Variants in RFC5 observed in about 807,000 individuals in gnomAD.
RFC5 encodes the protein A1 36 kDa subunit.
In RFC5, 26 loss-of-function variants were observed where a neutral mutation model predicts 44.3. The ratio of observed to expected loss-of-function variants is 0.59; its 90% CI spans 0.43 to 0.81. RFC5 has a LOEUF of 0.81. RFC5 is among the 40% of genes least tolerant of loss of function. The pLI, the probability that RFC5 is intolerant of heterozygous loss-of-function variation, is 0.00. For synonymous variants in RFC5, 155 were observed against 155.2 expected (o/e 1.00, Z 0.01); for missense variants, 328 against 418.6 (o/e 0.78, Z 1.89).
At chr12:118,034,574 G>GGT, downstream of RFC5, 1 of 528,454 alleles carries the variant, frequency 1.9e-6, no homozygotes, top group Non-Finnish European at 3.3e-6. Context: ...ATACCAAAGC[G>GGT]CTCTCTCTGT....
chr12:118,026,877 C>T lies in RFC5; in HGVS notation c.664-12C>T. On this transcript the variant is annotated splice_polypyrimidine_tract_variant and intron_variant, in intron 7 of 10. Transcript: ENST00000454402. ...CCACTGTGATCTCCCCTTTCCCCCT[C>T]TGTCTACACAGAGCACCAATATGGC... The T allele has an allele frequency of 6.2e-7, 1 of 1,611,908 alleles. No individual in the cohort carries two copies. Among genetic ancestry groups the T allele is most frequent in the Non-Finnish European group, 8.5e-7 (1 of 1,179,090 alleles).
At chr12:118,029,730 TA>T (rs2031189075) in intron 9 of RFC5, 40 bp from the exon 10 acceptor site, 1 of 1,362,924 alleles carries the variant, frequency 7.3e-7, no homozygotes, top group Non-Finnish European at 1.1e-6. Flanking sequence ...TTTTTGACAG[TA>T]GAGAGTGACC....
chr12:118,023,480 T>C (rs1438820714), intron 5 of RFC5, among the ~76,000 whole-genome samples: 1 of 17,186 alleles, frequency 5.8e-5, no homozygotes, highest in East Asian at 1.9e-3. Context: ...AGGAGGAGGG[T>C]AGGGGGAGGT....
the RFC5 span, among the ~76,000 whole-genome samples, chr12:118,040,800 C>A: frequency 6.6e-6 from 1 of 152,282 alleles, no homozygotes; most frequent in East Asian, 1.9e-4. Flanking sequence ...GTAATCCCAG[C>A]ACTTTAGGAA....
chr12:118,031,334 G>T lies in RFC5; in HGVS notation c.*56G>T. On this transcript the variant is annotated 3_prime_UTR_variant, in exon 11 of 11. Transcript: ENST00000454402. ...GCTCAGCAGTGATGGGAGAACAGAG[G>T]ACAGTTCCAGGATAAACTGCTGCCT... 3 of 1,208,470 alleles carry T rather than the reference G, an allele frequency of 2.5e-6. No homozygotes were observed. The highest frequency in any genetic ancestry group is 2.4e-6 in the Non-Finnish European group (2 of 820,712). 74.9% of individuals were successfully genotyped at this position (1,208,470 alleles called of 1,614,324 possible). A position where few individuals can be genotyped will look rare whatever the true frequency, so the allele number is the denominator to read the frequency against.
intron 1 of RFC5, chr12:118,017,909 C>T (rs909676237): frequency 7.4e-6 from 5 of 672,402 alleles, no homozygotes; most frequent in Non-Finnish European, 1.4e-5. Flanking sequence ...GTGGAGTCTT[C>T]CCGCTATCTA....
chr12:118,024,508 C>T (rs2030796548), intron 5 of RFC5, among the ~76,000 whole-genome samples: 1 of 151,966 alleles, frequency 6.6e-6, no homozygotes, highest in African/African-American at 2.4e-5. Context: ...TCACTGCAAC[C>T]TCCACCTCCC....
the RFC5 span, among the ~76,000 whole-genome samples, chr12:118,041,054 A>AAAAC: frequency 6.6e-6 from 1 of 152,336 alleles, no homozygotes; most frequent in Admixed American, 6.5e-5. Context: ...GTCTCAAGAA[A>AAAAC]AAACAAACAA....
intron 5 of RFC5, among the ~76,000 whole-genome samples, chr12:118,023,963 T>C (rs1436585081): frequency 6.6e-6 from 1 of 152,036 alleles, no homozygotes; most frequent in Non-Finnish European, 1.5e-5. Flanking sequence ...ACACCTGTAA[T>C]CCCAGTACTT....
At chr12:118,024,157 T>C (rs952764909) in intron 5 of RFC5, among the ~76,000 whole-genome samples, 9 of 151,902 alleles carry the variant, frequency 5.9e-5, no homozygotes, top group South Asian at 2.1e-4. Context: ...CTGGCTAACA[T>C]GGTGAAACCC....
At chr12:118,017,332 C>G (rs1223473390) in intron 1 of RFC5, among the ~76,000 whole-genome samples, 1 of 152,224 alleles carries the variant, frequency 6.6e-6, no homozygotes, top group Non-Finnish European at 1.5e-5. Context: ...AGCAGACGCC[C>G]TGTTAGATGT....
the RFC5 span, among the ~76,000 whole-genome samples, chr12:118,041,345 A>C: frequency 6.6e-6 from 1 of 152,172 alleles, no homozygotes; most frequent in Admixed American, 6.5e-5. Flanking sequence ...GGCTGTTTAC[A>C]AGCCAGGCAG....
At chr12:118,033,963 G>A (rs1050682741), downstream of RFC5, 6 of 538,618 alleles carry the variant, frequency 1.1e-5, no homozygotes, top group Admixed American at 1.3e-4. Flanking sequence ...AAAATTTAAC[G>A]TAAGGCTCTG....
chr12:118,024,800 G>GA, intron 5 of RFC5, 51 bp from the exon 6 acceptor site: 1 of 1,531,124 alleles, frequency 6.5e-7, no homozygotes, highest in African/African-American at 1.4e-5. Context: ...TGGGCTCTCT[G>GA]AAAAATCAGA....
At chr12:118,038,665 A>G in the RFC5 span, among the ~76,000 whole-genome samples, 1 of 152,270 alleles carries the variant, frequency 6.6e-6, no homozygotes, top group Non-Finnish European at 1.5e-5. Flanking sequence ...GAAGGGGTAC[A>G]TTGATCACTT....
intron 7 of RFC5, 53 bp from the exon 8 acceptor site, chr12:118,026,836 G>A (rs1201358639): frequency 2.5e-6 from 4 of 1,583,910 alleles, no homozygotes; most frequent in Non-Finnish European, 3.4e-6. Context: ...CTGCAGCTTG[G>A]TGGCAGCTGT....
intron 9 of RFC5, among the ~76,000 whole-genome samples, chr12:118,028,483 C>CAAAAAAAAAA (rs768496355): frequency 8.0e-6 from 1 of 125,518 alleles, no homozygotes; most frequent in African/African-American, 3.0e-5. Context: ...GAGTTTGTCT[C>CAAAAAAAAAA]AAAAAAAAAA....
chr12:118,038,888 C>T, the RFC5 span, among the ~76,000 whole-genome samples: 1 of 152,070 alleles, frequency 6.6e-6, no homozygotes, highest in Non-Finnish European at 1.5e-5. Flanking sequence ...ACCATATTGG[C>T]CAGGCTGGTC....
At chr12:118,034,347 C>T (rs777660616), downstream of RFC5, 1 of 1,613,880 alleles carries the variant, frequency 6.2e-7, no homozygotes. Context: ...CTGGACGTGG[C>T]CATCTCTTGT....
Sources: gnomAD v4.1 joint callset for allele counts (sites outside exome capture counted in the v4.1 genomes callset) on GRCh38, gnomAD v4.1.1 for gene constraint, MANE v1.5 for transcripts, NCBI Gene and HGNC (gene_info 2026-07-23, HGNC 2026-07-21) for gene names.